ADGRB3: variants seen among roughly 807,000 people sequenced by gnomAD.
ADGRB3 encodes adhesion G protein-coupled receptor B3.
A neutral mutation model predicts 193.4 loss-of-function variants in ADGRB3; 37 were observed. That is an observed-to-expected ratio of 0.19 (90% CI 0.15 to 0.25). ADGRB3 has a LOEUF of 0.25. Ranked by LOEUF, ADGRB3 falls within the 10% of genes least tolerant of loss-of-function variation. ADGRB3 has a pLI of 1.00. For missense variants in ADGRB3, 1,637 were observed against 1,852.9 expected (o/e 0.88, Z 2.14); for synonymous variants, 690 against 644.2 (o/e 1.07, Z -1.08).
intron 3 of ADGRB3, among the ~76,000 whole-genome samples, chr6:68,684,836 C>A (rs1213389354): frequency 6.6e-6 from 1 of 151,876 alleles, no homozygotes; most frequent in African/African-American, 2.4e-5. Context: ...ACCATATATT[C>A]CTGAAATCAA....
chr6:69,043,332 G>GAAA (rs376899800), intron 13 of ADGRB3, among the ~76,000 whole-genome samples: 1 of 133,756 alleles, frequency 7.5e-6, no homozygotes, highest in South Asian at 2.6e-4. Context: ...AAGAAAGAAA[G>GAAA]AGAAAGAAAA....
intron 3 of ADGRB3, among the ~76,000 whole-genome samples, chr6:68,774,507 A>G (rs540472651): frequency 2.6e-5 from 4 of 151,822 alleles, no homozygotes; most frequent in Non-Finnish European, 4.4e-5. Flanking sequence ...ACTAGGTTAA[A>G]TTCCCCTCAG....
At chr6:69,051,932 T>C (rs957911806) in intron 15 of ADGRB3, among the ~76,000 whole-genome samples, 3 of 152,234 alleles carry the variant, frequency 2.0e-5, no homozygotes, top group African/African-American at 7.2e-5. Flanking sequence ...TCTCGCTCTG[T>C]TGCCCAGGCT....
At chr6:68,665,322 C>T (rs1768774747) in intron 3 of ADGRB3, among the ~76,000 whole-genome samples, 1 of 151,556 alleles carries the variant, frequency 6.6e-6, no homozygotes, top group Non-Finnish European at 1.5e-5. Flanking sequence ...GATAGTTTTT[C>T]TTTCTCTTTA....
intron 20 of ADGRB3, among the ~76,000 whole-genome samples, chr6:69,293,436 C>T (rs894255730): frequency 5.3e-5 from 8 of 152,068 alleles, no homozygotes; most frequent in Admixed American, 2.0e-4. Flanking sequence ...CTAAGAATTC[C>T]CTGTCCACAA....
intron 3 of ADGRB3, among the ~76,000 whole-genome samples, chr6:68,889,051 TAAAGAC>T (rs913817111): frequency 2.0e-5 from 3 of 152,188 alleles, no homozygotes; most frequent in Non-Finnish European, 4.4e-5. Flanking sequence ...AGAAAGTACT[TAAAGAC>T]AAAGGCTGTA....
intron 3 of ADGRB3, among the ~76,000 whole-genome samples, chr6:68,844,973 G>A (rs1768244278): frequency 6.6e-6 from 1 of 152,130 alleles, no homozygotes; most frequent in Non-Finnish European, 1.5e-5. Flanking sequence ...AGTCTGGGAA[G>A]GGTAGTGGGA....
At chr6:68,958,552 A>T (rs932256199) in intron 8 of ADGRB3, among the ~76,000 whole-genome samples, 1 of 152,092 alleles carries the variant, frequency 6.6e-6, no homozygotes, top group African/African-American at 2.4e-5. Context: ...ATTTACAGAG[A>T]TTGCCACCTG....
intron 26 of ADGRB3, among the ~76,000 whole-genome samples, chr6:69,349,727 A>T: frequency 6.6e-6 from 1 of 152,214 alleles, no homozygotes; most frequent in South Asian, 2.1e-4. Flanking sequence ...GAAAAATTAC[A>T]AATAATTACA....
chr6:69,305,843 A>G (rs546594897), intron 20 of ADGRB3, among the ~76,000 whole-genome samples: 30 of 151,556 alleles, frequency 2.0e-4, no homozygotes, highest in African/African-American at 7.0e-4. Context: ...TTATGCATTC[A>G]TGGATTAACA....
intron 3 of ADGRB3, among the ~76,000 whole-genome samples, chr6:68,908,235 T>G (rs1051526722): frequency 6.6e-6 from 1 of 152,044 alleles, no homozygotes; most frequent in Non-Finnish European, 1.5e-5. Context: ...CGATGACCAA[T>G]TCTAAGGTTT....
At chr6:69,199,914 CT>C (rs1363800587) in intron 17 of ADGRB3, among the ~76,000 whole-genome samples, 2 of 151,890 alleles carry the variant, frequency 1.3e-5, no homozygotes, top group Non-Finnish European at 2.9e-5. Flanking sequence ...CCTTTATAGC[CT>C]TGTTCAAATG....
chr6:69,377,530 C>T (rs931850706), intron 30 of ADGRB3, among the ~76,000 whole-genome samples: 4 of 152,006 alleles, frequency 2.6e-5, no homozygotes, highest in African/African-American at 7.2e-5. Flanking sequence ...AGAAGAAGAA[C>T]CACAGGTTCA....
chr6:68,930,615 G>C lies in ADGRB3; in HGVS notation c.814G>C (p.Glu272Gln). The change falls in exon 4 of 32, where the codon GAA becomes CAA. Residue 272 changes from glutamate to glutamine, a missense_variant. Coordinates refer to ENST00000370598, the MANE Select transcript of ADGRB3 (RefSeq NM_001704.3). ...IKSQRPRSVH[E>Q]KRVPQEQADA... ...AAGTCAGCGACCTCGATCTGTTCAT[G>C]AAAAAAGGGTCCCTCAGGAACAAGC... is the stretch of plus-strand genomic sequence containing the variant. The C allele has an allele frequency of 6.2e-7, 1 of 1,612,322 alleles. No individual in the cohort carries two copies. The highest frequency in any genetic ancestry group is 8.5e-7 in the Non-Finnish European group (1 of 1,179,170).
chr6:68,980,459 C>A (rs80241402), intron 10 of ADGRB3, among the ~76,000 whole-genome samples: 36,279 of 151,158 alleles, frequency 0.24, 5,256 homozygotes, highest in Middle Eastern at 0.39. Context: ...CAAGTTAATG[C>A]AACAAAACTC....
chr6:68,677,992 C>T (rs1276652172), intron 3 of ADGRB3, among the ~76,000 whole-genome samples: 1 of 152,018 alleles, frequency 6.6e-6, no homozygotes, highest in Non-Finnish European at 1.5e-5. Context: ...GTAAAAATAA[C>T]CATCTTGATA....
intron 3 of ADGRB3, among the ~76,000 whole-genome samples, chr6:68,641,802 C>T (rs919234816): frequency 6.6e-5 from 10 of 151,928 alleles, no homozygotes; most frequent in African/African-American, 2.4e-4. Flanking sequence ...AATCTATTGA[C>T]CTTTGATTTA....
At chr6:69,154,294 C>T (rs1774769735) in intron 17 of ADGRB3, among the ~76,000 whole-genome samples, 1 of 152,130 alleles carries the variant, frequency 6.6e-6, no homozygotes, top group Admixed American at 6.5e-5. Context: ...TGGCTTTTGA[C>T]TCTTAAATCT....
At chr6:68,779,433 C>T (rs1766813508) in intron 3 of ADGRB3, among the ~76,000 whole-genome samples, 1 of 151,894 alleles carries the variant, frequency 6.6e-6, no homozygotes, top group African/African-American at 2.4e-5. Flanking sequence ...AACATGGGGT[C>T]ACTGAAGATC....
Sources: gnomAD v4.1 joint callset for allele counts (sites outside exome capture counted in the v4.1 genomes callset) on GRCh38, gnomAD v4.1.1 for gene constraint, MANE v1.5 for transcripts, NCBI Gene and HGNC (gene_info 2026-07-23, HGNC 2026-07-21) for gene names.